The following PKD1L1 variants were observed in gnomAD, a reference collection of about 807,000 sequenced individuals.
The protein encoded by PKD1L1 is polycystin-1-like protein 1.
In PKD1L1, 236 loss-of-function variants were observed where a neutral mutation model predicts 323.4. That is an observed-to-expected ratio of 0.73 (90% CI 0.66 to 0.81). PKD1L1 has a LOEUF of 0.81. Ranked by LOEUF, PKD1L1 falls within the 40% of genes least tolerant of loss-of-function variation. PKD1L1 has a pLI of 0.00. For missense variants in PKD1L1, 3,320 were observed against 3,508.0 expected, an observed-to-expected ratio of 0.95 and a Z score of 1.35; for synonymous variants, 1,344 against 1,335.0, an observed-to-expected ratio of 1.01 and a Z score of -0.15.
intron 24 of PKD1L1, among the ~76,000 whole-genome samples, chr7:47,867,636 A>C (rs914375468): frequency 1.3e-5 from 2 of 152,244 alleles, no homozygotes; most frequent in Non-Finnish European, 2.9e-5. Context: ...TGTTGGAATT[A>C]GCAAGGACTT....
rs939164657 is a variant in PKD1L1, at chr7:47,877,408, C to T, written c.3663+81G>A. 33 of 1,541,800 alleles carry T rather than the reference C, an allele frequency of 2.1e-5. No homozygotes were observed. The Admixed American group carries it at 5.5e-4, about 25-fold the overall frequency. ...GGTGGGAAGGACATTGCTGTCCATT[C>T]CTACAGCACCCGTGACTGCTGTGAC... On this transcript the variant is annotated intron_variant, in intron 22 of 56. Transcript: ENST00000289672.
chr7:47,945,178 G>C (rs1037060515), intron 1 of PKD1L1, among the ~76,000 whole-genome samples: 6 of 152,174 alleles, frequency 3.9e-5, no homozygotes, highest in African/African-American at 9.7e-5. Flanking sequence ...CCCTGTATTA[G>C]CTAAATGCTT....
At chr7:47,941,525 A>G (rs1787985156) in intron 2 of PKD1L1, among the ~76,000 whole-genome samples, 1 of 152,224 alleles carries the variant, frequency 6.6e-6, no homozygotes, top group Non-Finnish European at 1.5e-5. Context: ...TACTGTCAAG[A>G]GTCCAGTGTA....
chr7:47,873,907 G>A lies in PKD1L1; in HGVS notation c.3888C>T (p.Gly1296=), dbSNP rs753910893. 1.1e-5 allele frequency: 17 copies of A among 1,612,684 alleles called. No homozygotes were observed. The highest frequency in any genetic ancestry group is 4.0e-5 in the African/African-American group (3 of 74,846). ...LPRYHGNDCL[G]EDLYNSSLKN... is the part of the protein sequence containing the mutation. ...GGCATTGTGTTACTCACAGGTCCTC[G>A]CCCAGACAGTCATTTCCATGGTAGC... Residue 1296 remains glycine (G), a synonymous_variant, in exon 24 of 57, where the codon GGC becomes GGT. Transcript: ENST00000289672.
At chr7:47,925,717 T>C (rs1787644684) in intron 7 of PKD1L1, among the ~76,000 whole-genome samples, 1 of 152,184 alleles carries the variant, frequency 6.6e-6, no homozygotes, top group African/African-American at 2.4e-5. Flanking sequence ...ACAGACTTTT[T>C]GTAGCAATAA....
intron 2 of PKD1L1, 121 bp from the exon 3 acceptor site, chr7:47,940,438 G>A: frequency 1.0e-6 from 1 of 969,214 alleles, no homozygotes; most frequent in Non-Finnish European, 1.5e-6. Flanking sequence ...CTAACAACGG[G>A]CTGATCATGA....
chr7:47,947,742 C>T (rs1161958836), intron 1 of PKD1L1, among the ~76,000 whole-genome samples: 2 of 152,146 alleles, frequency 1.3e-5, no homozygotes, highest in Non-Finnish European at 2.9e-5. Flanking sequence ...CCAAGGCGGG[C>T]AGATCACAAG....
At chr7:47,837,848 A>G (rs1785490204) in intron 36 of PKD1L1, among the ~76,000 whole-genome samples, 1 of 152,240 alleles carries the variant, frequency 6.6e-6, no homozygotes, top group African/African-American at 2.4e-5. Context: ...CTTATGGAAT[A>G]TGAGCAGAGC....
chr7:47,937,255 GGGGT>G (rs1315641824), intron 3 of PKD1L1, among the ~76,000 whole-genome samples: 18 of 100,598 alleles, frequency 1.8e-4, no homozygotes, highest in African/African-American at 6.6e-4. Flanking sequence ...GGACGGGGTG[GGGGT>G]GGGGGGGGGG....
Position 47,885,768 on chromosome 7 carries a change from T to G in PKD1L1, c.3123A>C (p.Pro1041=). Residue 1041 remains proline, a synonymous_variant, in exon 18 of 57, where the codon CCA becomes CCC. Coordinates refer to ENST00000289672, the MANE Select transcript of PKD1L1 (RefSeq NM_138295.5). ...TCAGGGATCCCTTGCTCTGTGGCCCTGGCTCTAGGTCTAGTGAACCTTCCT... is the reference window on the plus strand; with the variant it reads ...TCAGGGATCCCTTGCTCTGTGGCCCGGGCTCTAGGTCTAGTGAACCTTCCT... The part of the protein sequence containing the change: ...APEEGSLDLE[P]GPQSKGSLMT... 6.2e-7 allele frequency: 1 copy of G among 1,614,204 alleles called. No homozygotes were observed. Among genetic ancestry groups the G allele is most frequent in the East Asian group, 2.2e-5 (1 of 44,882 alleles).
upstream of PKD1L1, chr7:47,948,624 C>T: frequency 1.7e-6 from 1 of 599,622 alleles, no homozygotes; most frequent in Admixed American, 2.9e-5. Flanking sequence ...GCAGAAACAG[C>T]TTTTGTTTTC....
At chr7:47,893,352 C>T (rs1371588114) in intron 15 of PKD1L1, among the ~76,000 whole-genome samples, 1 of 151,638 alleles carries the variant, frequency 6.6e-6, no homozygotes, top group Non-Finnish European at 1.5e-5. Flanking sequence ...CCAGAGGGGG[C>T]GCTGTAGGGA....
chr7:47,897,438 A>G (rs1266527592), intron 14 of PKD1L1, among the ~76,000 whole-genome samples: 1 of 151,912 alleles, frequency 6.6e-6, no homozygotes, highest in East Asian at 1.9e-4. Context: ...GCCCCTCCCA[A>G]TCCCTTTCTA....
At chr7:47,782,507 A>G (rs1786720779) in intron 56 of PKD1L1, among the ~76,000 whole-genome samples, 1 of 152,252 alleles carries the variant, frequency 6.6e-6, no homozygotes, top group African/African-American at 2.4e-5. Context: ...TAAACTAGCA[A>G]GAGAAGCCAG....
At chr7:47,932,170 T>C (rs1040272127) in intron 4 of PKD1L1, 114 bp from the exon 5 acceptor site, 5 of 1,444,762 alleles carry the variant, frequency 3.5e-6, no homozygotes, top group Non-Finnish European at 4.6e-6. Context: ...GGAAATTCCC[T>C]TGCTGTGATT....
chr7:47,873,722 A>G (rs1786337403), intron 24 of PKD1L1, among the ~76,000 whole-genome samples, 177 bp downstream of exon 24: 1 of 151,794 alleles, frequency 6.6e-6, no homozygotes, highest in African/African-American at 2.4e-5. Flanking sequence ...CAAGAATGCC[A>G]TGCAAATATG....
chr7:47,787,768 G>A (rs946943339), intron 56 of PKD1L1, among the ~76,000 whole-genome samples: 2 of 152,132 alleles, frequency 1.3e-5, no homozygotes, highest in African/African-American at 2.4e-5. Context: ...CTGGAGTGCA[G>A]TGGCATAATC....
intron 50 of PKD1L1, among the ~76,000 whole-genome samples, chr7:47,810,086 T>C (rs1562940441): frequency 6.6e-6 from 1 of 152,370 alleles, no homozygotes; most frequent in Non-Finnish European, 1.5e-5. Context: ...TGTTGATTCA[T>C]GCCTTTAATC....
intron 31 of PKD1L1, among the ~76,000 whole-genome samples, chr7:47,849,496 C>T (rs1225044297): frequency 3.3e-5 from 5 of 151,888 alleles, no homozygotes; most frequent in African/African-American, 7.3e-5. Context: ...TCAAACAAAT[C>T]GCAAGAAAAA....
Sources: gnomAD v4.1 joint callset for allele counts (sites outside exome capture counted in the v4.1 genomes callset) on GRCh38, gnomAD v4.1.1 for gene constraint, MANE v1.5 for transcripts, NCBI Gene and HGNC (gene_info 2026-07-23, HGNC 2026-07-21) for gene names.